Variants in RANBP17 observed in about 807,000 individuals in gnomAD.
RANBP17 encodes ran-binding protein 17.
A neutral mutation model predicts 141.2 loss-of-function variants in RANBP17; 158 were observed. That is an observed-to-expected ratio of 1.12 (90% CI 0.98 to 1.28). The LOEUF (loss-of-function observed/expected upper bound fraction) is 1.28, where lower values mean the gene tolerates loss of function less well. Among genes scored for constraint, RANBP17 ranks in the 50% most tolerant of loss-of-function variants. The pLI, the probability that RANBP17 is intolerant of heterozygous loss-of-function variation, is 0.00. For missense variants in RANBP17, 1,438 were observed against 1,290.7 expected (o/e 1.11, Z -1.75); for synonymous variants, 430 against 450.0 (o/e 0.96, Z 0.56).
chr5:171,128,070 A>G (rs1205851403), intron 14 of RANBP17, among the ~76,000 whole-genome samples: 1 of 152,142 alleles, frequency 6.6e-6, no homozygotes, highest in Non-Finnish European at 1.5e-5. Flanking sequence ...AGGCAGGAGA[A>G]TGGTGGGAAC....
At chr5:171,175,891 A>G (rs546792257) in intron 16 of RANBP17, among the ~76,000 whole-genome samples, 1 of 152,078 alleles carries the variant, frequency 6.6e-6, no homozygotes, top group Non-Finnish European at 1.5e-5. Context: ...CTAGCTACAT[A>G]ATTTGCAGGG....
chr5:171,089,192 CT>C lies in RANBP17; in HGVS notation c.1711-80937del, dbSNP rs1232021410. ...TCCTTCTAACAGACAGGACCCTCAG[CT>C]GCAGGTCTGTTGGAATACCCTGCAG... On this transcript the variant is annotated intron_variant, in intron 14 of 27. Transcript: ENST00000523189. 4.7e-4 allele frequency among the ~76,000 whole-genome samples: 67 copies of C among 144,056 alleles called. No individual in the cohort carries two copies. In the Middle Eastern group the frequency reaches 0.011, roughly 23 times the overall value. 94.5% of individuals were successfully genotyped at this position (144,056 alleles called of 152,430 possible).
chr5:171,248,727 T>G (rs1205804933), intron 24 of RANBP17, among the ~76,000 whole-genome samples: 1 of 152,120 alleles, frequency 6.6e-6, no homozygotes, highest in South Asian at 2.1e-4. Context: ...CATCTGCCCC[T>G]GGAAACCACA....
chr5:171,010,650 A>T (rs899700009), intron 14 of RANBP17, among the ~76,000 whole-genome samples: 1 of 152,092 alleles, frequency 6.6e-6, no homozygotes, highest in African/African-American at 2.4e-5. Flanking sequence ...TATGCTAAAA[A>T]ATCTAAGGGG....
intron 14 of RANBP17, among the ~76,000 whole-genome samples, chr5:171,163,554 A>G (rs563921940): frequency 3.3e-5 from 5 of 152,324 alleles, no homozygotes; most frequent in African/African-American, 1.2e-4. Flanking sequence ...CAAAAATATG[A>G]AAATTGATTT....
intron 8 of RANBP17, among the ~76,000 whole-genome samples, chr5:170,916,005 G>A (rs1005347778): frequency 6.6e-6 from 1 of 151,948 alleles, no homozygotes; most frequent in African/African-American, 2.4e-5. Context: ...ATTGTGGGTG[G>A]TGGGAGTGGT....
chr5:170,986,375 A>T (rs923764369), intron 14 of RANBP17, among the ~76,000 whole-genome samples: 7 of 151,978 alleles, frequency 4.6e-5, no homozygotes, highest in African/African-American at 1.2e-4. Flanking sequence ...CATTAAGCCG[A>T]TAAGTGCTCC....
At chr5:170,996,491 C>T (rs1374357682) in intron 14 of RANBP17, among the ~76,000 whole-genome samples, 2 of 152,094 alleles carry the variant, frequency 1.3e-5, no homozygotes, top group Non-Finnish European at 1.5e-5. Flanking sequence ...AGCCACTATA[C>T]TAGGTGAATA....
intron 8 of RANBP17, 22 bp downstream of exon 8, chr5:170,914,262 T>C (rs1771768050): frequency 2.0e-6 from 3 of 1,503,736 alleles, no homozygotes; most frequent in Non-Finnish European, 1.8e-6. Flanking sequence ...TCATTCGTTA[T>C]TTCGTTAAAA....
chr5:171,025,378 A>T (rs949541680), intron 14 of RANBP17, among the ~76,000 whole-genome samples: 5 of 152,144 alleles, frequency 3.3e-5, no homozygotes, highest in Admixed American at 1.3e-4. Flanking sequence ...TTTTCTAGGT[A>T]ATCTGGCATT....
At chr5:171,081,277 C>G (rs1370873806) in intron 14 of RANBP17, among the ~76,000 whole-genome samples, 4 of 152,000 alleles carry the variant, frequency 2.6e-5, no homozygotes, top group African/African-American at 4.8e-5. Flanking sequence ...TAAGTGATGG[C>G]CTTCACATCA....
chr5:171,242,210 CT>C (rs1764921131), intron 23 of RANBP17, among the ~76,000 whole-genome samples: 1 of 151,422 alleles, frequency 6.6e-6, no homozygotes, highest in Non-Finnish European at 1.5e-5. Flanking sequence ...ATGCACTTAT[CT>C]TTTGCCTGTA....
chr5:171,152,012 A>T (rs1028556025), intron 14 of RANBP17, among the ~76,000 whole-genome samples: 4 of 152,154 alleles, frequency 2.6e-5, no homozygotes, highest in Non-Finnish European at 5.9e-5. Flanking sequence ...AAGAATAGAA[A>T]TTTCTAACTG....
At chr5:170,920,783 A>C (rs1772386903) in intron 11 of RANBP17, among the ~76,000 whole-genome samples, 1 of 151,948 alleles carries the variant, frequency 6.6e-6, no homozygotes. Flanking sequence ...TTTAATGATC[A>C]CCATTCTAAC....
chr5:170,881,275 A>G (rs1260766276), intron 2 of RANBP17, among the ~76,000 whole-genome samples: 1 of 152,204 alleles, frequency 6.6e-6, no homozygotes, highest in Non-Finnish European at 1.5e-5. Flanking sequence ...TGGAGTGAAT[A>G]CATGAACCAA....
intron 11 of RANBP17, among the ~76,000 whole-genome samples, chr5:170,920,082 TTA>T (rs1266687313): frequency 6.6e-6 from 1 of 152,280 alleles, no homozygotes; most frequent in African/African-American, 2.4e-5. Flanking sequence ...TTTGAGTTGT[TTA>T]TGTTTTTGGC....
At chr5:170,896,785 G>C (rs1385442051) in intron 5 of RANBP17, 1 of 367,002 alleles carries the variant, frequency 2.7e-6, no homozygotes. Context: ...AGCTGAGATC[G>C]TGCCACTGCA....
intron 14 of RANBP17, among the ~76,000 whole-genome samples, chr5:171,164,363 T>A: frequency 6.6e-6 from 1 of 152,330 alleles, no homozygotes; most frequent in East Asian, 1.9e-4. Flanking sequence ...ATGCTTTTTT[T>A]ATTCTTTATT....
At chr5:171,025,602 G>C (rs1781185332) in intron 14 of RANBP17, among the ~76,000 whole-genome samples, 1 of 143,290 alleles carries the variant, frequency 7.0e-6, no homozygotes, top group Admixed American at 7.1e-5. Flanking sequence ...TTTTGAGACA[G>C]AATATCACTG....
Sources: gnomAD v4.1 joint callset for allele counts (sites outside exome capture counted in the v4.1 genomes callset) on GRCh38, gnomAD v4.1.1 for gene constraint, MANE v1.5 for transcripts, NCBI Gene and HGNC (gene_info 2026-07-23, HGNC 2026-07-21) for gene names.